SLC36A1: variants seen among roughly 807,000 people sequenced by gnomAD.
SLC36A1 encodes the protein proton-coupled amino acid transporter 1.
A neutral mutation model predicts 47.5 loss-of-function variants in SLC36A1; 30 were observed. The ratio of observed to expected loss-of-function variants is 0.63; its 90% CI spans 0.47 to 0.86. The LOEUF (loss-of-function observed/expected upper bound fraction) is 0.86. Ranked by LOEUF, SLC36A1 falls within the 40% of genes least tolerant of loss-of-function variation. The pLI, the probability that SLC36A1 is intolerant of heterozygous loss-of-function variation, is 0.00. For missense variants in SLC36A1, 517 were observed against 606.0 expected (o/e 0.85, Z 1.54); for synonymous variants, 255 against 249.7 (o/e 1.02, Z -0.20).
the SLC36A1 span, among the ~76,000 whole-genome samples, chr5:151,374,979 T>C: frequency 6.6e-6 from 1 of 152,076 alleles, no homozygotes; most frequent in Admixed American, 6.5e-5. Context: ...GGATGCATAG[T>C]TTGCAAATAT....
chr5:151,483,507 T>TC, intron 10 of SLC36A1, among the ~76,000 whole-genome samples: 1 of 101,962 alleles, frequency 9.8e-6, no homozygotes, highest in South Asian at 2.9e-4. Flanking sequence ...GGCTGGGGTC[T>TC]TTGTGTGTGT....
chr5:151,449,824 T>C (rs546779967), intron 1 of SLC36A1, among the ~76,000 whole-genome samples: 2 of 152,334 alleles, frequency 1.3e-5, no homozygotes, highest in East Asian at 1.9e-4. Flanking sequence ...GATTGTTGGG[T>C]AGAGGGTTGG....
At chr5:151,365,746 C>T in the SLC36A1 span, among the ~76,000 whole-genome samples, 46 of 152,340 alleles carry the variant, frequency 3.0e-4, no homozygotes, top group Middle Eastern at 3.4e-3. Flanking sequence ...AGTTCCCTAA[C>T]TTCTTGGAAC....
At chr5:151,410,243 A>G in the SLC36A1 span, among the ~76,000 whole-genome samples, 1 of 149,648 alleles carries the variant, frequency 6.7e-6, no homozygotes, top group South Asian at 2.3e-4. Flanking sequence ...GCTCAAGGAT[A>G]TTCAATATGT....
chr5:151,502,157 C>T, the SLC36A1 span, among the ~76,000 whole-genome samples: 1 of 147,604 alleles, frequency 6.8e-6, no homozygotes, highest in Non-Finnish European at 1.5e-5. Context: ...ACTAAAAATA[C>T]AAGAATTAGC....
At chr5:151,460,406 G>A (rs531778849) in intron 2 of SLC36A1, among the ~76,000 whole-genome samples, 1 of 152,284 alleles carries the variant, frequency 6.6e-6, no homozygotes, top group African/African-American at 2.4e-5. Context: ...CATAGGTTTT[G>A]GACAAAATTA....
chr5:151,424,598 C>T, the SLC36A1 span, among the ~76,000 whole-genome samples: 9 of 152,188 alleles, frequency 5.9e-5, no homozygotes, highest in African/African-American at 2.2e-4. Context: ...TAGACTTTGC[C>T]TACAATTTCA....
chr5:151,450,552 A>G (rs1451960396), intron 1 of SLC36A1, among the ~76,000 whole-genome samples: 1 of 152,114 alleles, frequency 6.6e-6, no homozygotes, highest in Non-Finnish European at 1.5e-5. Context: ...TCCACTTACT[A>G]GCATGTGGGA....
the SLC36A1 span, chr5:151,540,670 T>A: frequency 6.2e-7 from 1 of 1,614,232 alleles, no homozygotes; most frequent in Non-Finnish European, 8.5e-7. Flanking sequence ...GAGCAAGTAC[T>A]TGGCTGTATG....
the SLC36A1 span, among the ~76,000 whole-genome samples, chr5:151,351,593 C>T: frequency 6.6e-6 from 1 of 152,100 alleles, no homozygotes; most frequent in Non-Finnish European, 1.5e-5. Flanking sequence ...ACTCTTATGA[C>T]CCAACTGAGT....
chr5:151,447,456 AG>A (rs1257529331), upstream of SLC36A1: 1 of 152,304 alleles, frequency 6.6e-6, no homozygotes, highest in Non-Finnish European at 1.5e-5. Context: ...CCCAGCGCCC[AG>A]GAACATAGTC....
chr5:151,438,857 C>G (rs1250733323), intron 1 of SLC36A1, among the ~76,000 whole-genome samples: 1 of 152,198 alleles, frequency 6.6e-6, no homozygotes, highest in East Asian at 1.9e-4. Flanking sequence ...GTGCATGCAT[C>G]TATTACCTTT....
At chr5:151,353,659 T>C in the SLC36A1 span, among the ~76,000 whole-genome samples, 6 of 152,236 alleles carry the variant, frequency 3.9e-5, no homozygotes, top group South Asian at 8.3e-4. Flanking sequence ...GTATCTACCA[T>C]GAGTATCATG....
Position 151,462,230 on chromosome 5 carries a change from TA to T in SLC36A1, c.144-1322del, listed in dbSNP as rs143436365. ...TGAGATTAGTGGTGATATTAACAAA[TA>T]TGACTTTTTGATATTATTAATATAC... On this transcript the variant is annotated intron_variant, in intron 2 of 10. Transcript: ENST00000243389. Among the ~76,000 whole-genome samples the T allele has an allele frequency of 0.011, 1,602 of 152,308 alleles. 66 individuals are homozygous for T. The East Asian group carries it at 0.14, about 13-fold the overall frequency.
At chr5:151,475,841 G>A (rs1021451032) in intron 8 of SLC36A1, among the ~76,000 whole-genome samples, 17 of 152,238 alleles carry the variant, frequency 1.1e-4, no homozygotes, top group African/African-American at 4.1e-4. Flanking sequence ...TTCCTTATTA[G>A]CTGTGCCAGA....
At chr5:151,380,761 G>C in the SLC36A1 span, 4 of 538,552 alleles carry the variant, frequency 7.4e-6, no homozygotes, top group East Asian at 1.0e-4. Flanking sequence ...CTTGCAGACA[G>C]ATGGTGGACA....
chr5:151,458,829 GACTACAGCTCC>G lies in SLC36A1; in HGVS notation c.40_50del (p.Tyr14GlyfsTer5). 6.2e-7 allele frequency: 1 copy of G among 1,614,064 alleles called. No individual in the cohort carries two copies. Among genetic ancestry groups the G allele is most frequent in the Non-Finnish European group, 8.5e-7 (1 of 1,179,986 alleles). On this transcript the variant is annotated frameshift_variant, in exon 2 of 11. Coordinates refer to ENST00000243389, the MANE Select transcript of SLC36A1 (RefSeq NM_078483.4). LOFTEE classifies it high-confidence loss of function. ...GAGACTTCGGAATGAAGACTACCAC[GACTACAGCTCC>G]ACGGACGTGAGCCCTGAGGAGAGCC...
chr5:151,546,990 C>G, the SLC36A1 span, among the ~76,000 whole-genome samples: 1 of 152,200 alleles, frequency 6.6e-6, no homozygotes, highest in African/African-American at 2.4e-5. Context: ...TAGGCATTCT[C>G]ACATCACCTT....
At chr5:151,480,061 GTAAGT>G in intron 10 of SLC36A1, 2 of 1,494,044 alleles carry the variant, frequency 1.3e-6, no homozygotes, top group Non-Finnish European at 1.8e-6. Context: ...TCCCAGGAGT[GTAAGT>G]TAAAAGACAG....
Sources: allele counts gnomAD v4.1 joint callset (sites outside exome capture counted in the v4.1 genomes callset), GRCh38; gene constraint gnomAD v4.1.1; transcripts MANE v1.5; gene names NCBI Gene and HGNC (gene_info 2026-07-23, HGNC 2026-07-21).